The following RBFOX1 variants were observed in gnomAD, a reference collection of about 807,000 sequenced individuals.
The protein encoded by RBFOX1 is RNA binding fox-1 homolog 1.
A neutral mutation model predicts 57.7 loss-of-function variants in RBFOX1; 8 were observed. The observed-to-expected ratio is 0.14, with a 90% CI of 0.08 to 0.25. The LOEUF is 0.25. Among genes scored for constraint, RBFOX1 ranks in the 10% least tolerant of loss-of-function variants. RBFOX1 has a pLI of 1.00. For synonymous variants in RBFOX1, 326 were observed against 222.4 expected, an observed-to-expected ratio of 1.47 and a Z score of -4.15; for missense variants, 611 against 548.5, an observed-to-expected ratio of 1.11 and a Z score of -1.14.
At chr16:5,898,582 G>T (rs1221880427) in intron 4 of RBFOX1, among the ~76,000 whole-genome samples, 1 of 151,158 alleles carries the variant, frequency 6.6e-6, no homozygotes, top group Non-Finnish European at 1.5e-5. Flanking sequence ...TCTACAATGA[G>T]CATAGATTCT....
At chr16:6,404,506 T>C (rs1291966712) in intron 2 of RBFOX1, among the ~76,000 whole-genome samples, 1 of 152,218 alleles carries the variant, frequency 6.6e-6, no homozygotes, top group East Asian at 1.9e-4. Flanking sequence ...TGTAGTTGTA[T>C]ACTACAAATG....
At chr16:6,305,290 A>T (rs1422570001) in intron 1 of RBFOX1, among the ~76,000 whole-genome samples, 1 of 152,184 alleles carries the variant, frequency 6.6e-6, no homozygotes, top group Non-Finnish European at 1.5e-5. Flanking sequence ...CTCTCTGAAC[A>T]TCATGCTTAA....
At chr16:7,516,567 G>A (rs539832325) in intron 4 of RBFOX1, among the ~76,000 whole-genome samples, 1 of 152,272 alleles carries the variant, frequency 6.6e-6, no homozygotes, top group African/African-American at 2.4e-5. Flanking sequence ...TAGCAACTCA[G>A]CCTCAACATA....
intron 3 of RBFOX1, among the ~76,000 whole-genome samples, chr16:6,959,389 T>C (rs375686652): frequency 1.5e-3 from 233 of 152,314 alleles, no homozygotes; most frequent in African/African-American, 5.1e-3. Flanking sequence ...GAAAGTCGTT[T>C]TGTGGGGTTT....
intron 2 of RBFOX1, among the ~76,000 whole-genome samples, chr16:5,536,984 C>A (rs766657198): frequency 4.6e-5 from 7 of 152,194 alleles, no homozygotes; most frequent in Non-Finnish European, 1.0e-4. Context: ...GCTAAGCTTT[C>A]TATCACTGCA....
intron 1 of RBFOX1, among the ~76,000 whole-genome samples, chr16:6,126,121 C>T (rs1567515944): frequency 6.6e-6 from 1 of 152,140 alleles, no homozygotes; most frequent in Non-Finnish European, 1.5e-5. Context: ...ATTTTCGTTT[C>T]CACTTCAGCC....
intron 14 of RBFOX1, among the ~76,000 whole-genome samples, chr16:7,692,543 G>A (rs966023342): frequency 1.2e-4 from 19 of 152,152 alleles, no homozygotes; most frequent in African/African-American, 3.9e-4. Context: ...TACTTTTGAG[G>A]CATTTACGAA....
intron 7 of RBFOX1, among the ~76,000 whole-genome samples, chr16:7,590,657 C>A (rs183073449): frequency 2.0e-5 from 3 of 151,838 alleles, no homozygotes; most frequent in Admixed American, 6.6e-5. Flanking sequence ...GTCAGGAGTT[C>A]GAGACCAGCC....
chr16:5,247,369 C>T (rs780955888), intron 1 of RBFOX1, among the ~76,000 whole-genome samples: 6 of 152,172 alleles, frequency 3.9e-5, no homozygotes, highest in Non-Finnish European at 8.8e-5. Context: ...GGTGGAGAGC[C>T]CTGCCCTGGC....
intron 1 of RBFOX1, 35 bp downstream of exon 1, chr16:6,020,027 C>A (rs1417867886): frequency 6.9e-7 from 1 of 1,459,410 alleles, no homozygotes. Flanking sequence ...TCTGCACCCA[C>A]CCTGACCTGG....
intron 4 of RBFOX1, among the ~76,000 whole-genome samples, chr16:7,402,066 A>G (rs2098253197): frequency 1.3e-5 from 2 of 152,160 alleles, no homozygotes; most frequent in South Asian, 4.1e-4. Context: ...GCAGAGTGTC[A>G]TGTTCCTCAG....
At chr16:6,597,270 G>A (rs2097785630) in intron 2 of RBFOX1, among the ~76,000 whole-genome samples, 1 of 152,112 alleles carries the variant, frequency 6.6e-6, no homozygotes, top group Non-Finnish European at 1.5e-5. Flanking sequence ...TTGTTTTGCA[G>A]TAATGTGTGC....
Position 6,423,202 on chromosome 16 carries a change from C to G in RBFOX1, c.-64+106145C>G, listed in dbSNP as rs145109434. ...CACCCAACTTTCTCTGATAACAATA[C>G]AGTGTTTGTTGTATCTGACCAACAT... is the stretch of plus-strand genomic sequence containing the variant. On this transcript the variant is annotated intron_variant, in intron 2 of 15. Transcript: ENST00000550418. Among the ~76,000 whole-genome samples, 5 of 152,336 alleles carry G rather than the reference C, an allele frequency of 3.3e-5. No individual in the cohort carries two copies. In the East Asian group the frequency reaches 9.7e-4, roughly 29 times the overall value.
intron 2 of RBFOX1, among the ~76,000 whole-genome samples, chr16:6,565,176 A>C (rs948458274): frequency 4.6e-5 from 7 of 151,210 alleles, no homozygotes; most frequent in African/African-American, 1.7e-4. Flanking sequence ...AACTACAGTG[A>C]TAACAAAATA....
At chr16:6,646,555 C>G (rs181713168) in intron 2 of RBFOX1, among the ~76,000 whole-genome samples, 71 of 152,054 alleles carry the variant, frequency 4.7e-4, no homozygotes, top group Non-Finnish European at 1.3e-4. Flanking sequence ...ACACCTGCCA[C>G]TTCTGTGTGG....
chr16:6,284,987 C>A (rs2076755515), intron 1 of RBFOX1, among the ~76,000 whole-genome samples: 2 of 152,082 alleles, frequency 1.3e-5, no homozygotes, highest in South Asian at 4.1e-4. Flanking sequence ...GGGAAATTCA[C>A]AGGAACAAGG....
intron 3 of RBFOX1, among the ~76,000 whole-genome samples, chr16:6,960,860 G>A (rs1024196858): frequency 1.1e-4 from 16 of 151,712 alleles, no homozygotes; most frequent in African/African-American, 3.9e-4. Context: ...AGGTCCGGGT[G>A]CAGTGGCTCA....
rs11859098 is a variant in RBFOX1, at chr16:5,753,994, C to A, written c.319-113309C>A. ...TCTCCACGTAGCCTTTCTTTTTATTCATTTTTCTAATCTAACTCAGCCATT... is the reference window on the plus strand; with the variant it reads ...TCTCCACGTAGCCTTTCTTTTTATTAATTTTTCTAATCTAACTCAGCCATT... On this transcript the variant is annotated intron_variant, in intron 3 of 19. Transcript: ENST00000641259. Among the ~76,000 whole-genome samples the A allele has an allele frequency of 5.5e-3, 844 of 152,246 alleles. 7 individuals are homozygous for A. The highest frequency in any genetic ancestry group is 0.018 in the African/African-American group (761 of 41,554).
At chr16:7,130,375 T>G (rs1344825762) in intron 4 of RBFOX1, among the ~76,000 whole-genome samples, 1 of 152,136 alleles carries the variant, frequency 6.6e-6, no homozygotes, top group Non-Finnish European at 1.5e-5. Context: ...ATGGGTTAAG[T>G]GTTTGTCCAT....
Sources: gnomAD v4.1 joint callset for allele counts (sites outside exome capture counted in the v4.1 genomes callset) on GRCh38, gnomAD v4.1.1 for gene constraint, MANE v1.5 for transcripts, NCBI Gene and HGNC (gene_info 2026-07-23, HGNC 2026-07-21) for gene names.